Variants in FUT8 observed in about 807,000 individuals in gnomAD.
FUT8 encodes the protein fucosyltransferase 8.
Under a neutral mutation model 71.3 loss-of-function variants are expected in FUT8, and 29 were observed. The observed-to-expected ratio is 0.41, with a 90% CI of 0.30 to 0.55. The LOEUF (loss-of-function observed/expected upper bound fraction) is 0.55, where lower values mean the gene tolerates loss of function less well. Among genes scored for constraint, FUT8 ranks in the 20% least tolerant of loss-of-function variants. The pLI is 0.34. For synonymous variants in FUT8, 254 were observed against 239.3 expected, an observed-to-expected ratio of 1.06 and a Z score of -0.57; for missense variants, 544 against 702.1, an observed-to-expected ratio of 0.77 and a Z score of 2.55.
chr14:65,464,045 A>G (rs2066004583), intron 2 of FUT8, among the ~76,000 whole-genome samples: 1 of 152,126 alleles, frequency 6.6e-6, no homozygotes, highest in African/African-American at 2.4e-5. Context: ...TTGAACACAT[A>G]TTTTTTCTTA....
intron 7 of FUT8, among the ~76,000 whole-genome samples, chr14:65,677,153 C>G (rs55673074): frequency 1.5e-5 from 1 of 64,714 alleles, no homozygotes; most frequent in Non-Finnish European, 3.4e-5. Flanking sequence ...TGTGTGTGTG[C>G]GCGCGCGCAT....
chr14:65,415,414 GATTT>G (rs1210686918), intron 1 of FUT8, among the ~76,000 whole-genome samples: 1 of 152,124 alleles, frequency 6.6e-6, no homozygotes, highest in Non-Finnish European at 1.5e-5. Context: ...AATGCTTAAA[GATTT>G]ATTGGATTTC....
intron 3 of FUT8, among the ~76,000 whole-genome samples, chr14:65,602,079 C>T (rs1370728813): frequency 6.6e-5 from 10 of 151,672 alleles, no homozygotes; most frequent in African/African-American, 1.5e-4. Flanking sequence ...ACTCATCACC[C>T]GAGCAGTATA....
chr14:65,403,243 T>C, the FUT8 span, among the ~76,000 whole-genome samples: 1 of 152,238 alleles, frequency 6.6e-6, no homozygotes, highest in Non-Finnish European at 1.5e-5. Flanking sequence ...AACCCTATGA[T>C]GTAGATACTA....
chr14:65,691,906 A>G (rs972662286), intron 7 of FUT8, among the ~76,000 whole-genome samples: 1 of 152,230 alleles, frequency 6.6e-6, no homozygotes, highest in Non-Finnish European at 1.5e-5. Flanking sequence ...TTCAGAGAGC[A>G]CTGGGTTGGG....
intron 1 of FUT8, among the ~76,000 whole-genome samples, chr14:65,451,117 A>G (rs1162842693): frequency 1.3e-5 from 2 of 152,126 alleles, no homozygotes; most frequent in Admixed American, 6.6e-5. Context: ...CAGCCTCCCA[A>G]AGTGCTGGGA....
chr14:65,525,474 C>A (rs1883391983), intron 2 of FUT8, among the ~76,000 whole-genome samples: 2 of 152,046 alleles, frequency 1.3e-5, no homozygotes, highest in Admixed American at 6.6e-5. Context: ...ATTAGTCTTG[C>A]TAGTGGTCTA....
intron 2 of FUT8, among the ~76,000 whole-genome samples, chr14:65,506,684 A>G (rs2066740325): frequency 6.6e-6 from 1 of 152,226 alleles, no homozygotes; most frequent in South Asian, 2.1e-4. Flanking sequence ...TTTATGGGAT[A>G]CATGAGATGT....
chr14:65,520,095 C>T (rs182284138), intron 2 of FUT8, among the ~76,000 whole-genome samples: 4 of 152,280 alleles, frequency 2.6e-5, no homozygotes, highest in Admixed American at 2.6e-4. Context: ...TAACATTTAA[C>T]AACATTTACC....
rs181611692 is a variant in FUT8 at position 65,642,004 on chromosome 14, A to G, written c.597+12398A>G. Among the ~76,000 whole-genome samples the G allele has an allele frequency of 3.9e-3, 597 of 152,164 alleles. 3 individuals carry two copies. The highest frequency in any genetic ancestry group is 0.014 in the African/African-American group (581 of 41,544). ...CAGCTTGCCTTCTAATTTTCTTAAC[A>G]GTGTCTTTTGAAAGGCAAAAGTTTT... is the stretch of plus-strand genomic sequence containing the variant. On this transcript the variant is annotated intron_variant, in intron 6 of 10. Coordinates refer to ENST00000673929, the MANE Select transcript of FUT8 (RefSeq NM_001371533.1).
chr14:65,387,698 TCTTTCCAGGC>T, the FUT8 span, among the ~76,000 whole-genome samples: 6 of 152,332 alleles, frequency 3.9e-5, no homozygotes, highest in African/African-American at 1.4e-4. Context: ...TAGCCTGGAA[TCTTTCCAGGC>T]AGTGAGCTGG....
intron 5 of FUT8, among the ~76,000 whole-genome samples, chr14:65,629,060 GTCAC>G (rs934704649): frequency 1.3e-5 from 2 of 152,132 alleles, no homozygotes; most frequent in Non-Finnish European, 2.9e-5. Context: ...TCTTTTTCCA[GTCAC>G]TCAGAGTGTT....
At chr14:65,527,797 A>T (rs1402125023) in intron 2 of FUT8, among the ~76,000 whole-genome samples, 3 of 152,154 alleles carry the variant, frequency 2.0e-5, no homozygotes, top group Admixed American at 6.5e-5. Context: ...GGTCTGTTGG[A>T]GTTTGCTGGA....
intron 2 of FUT8, among the ~76,000 whole-genome samples, chr14:65,505,412 A>G (rs1011868409): frequency 6.9e-6 from 1 of 144,442 alleles, no homozygotes; most frequent in African/African-American, 2.6e-5. Context: ...TCCCAGGTTC[A>G]CGCCATTCTC....
intron 2 of FUT8, among the ~76,000 whole-genome samples, chr14:65,512,273 G>A (rs1449574211): frequency 1.3e-5 from 2 of 152,094 alleles, no homozygotes; most frequent in Non-Finnish European, 2.9e-5. Context: ...AGCAATTCTC[G>A]TGCCTCAGCC....
the FUT8 span, among the ~76,000 whole-genome samples, chr14:65,380,922 A>G: frequency 1.3e-5 from 2 of 152,260 alleles, no homozygotes; most frequent in South Asian, 4.1e-4. Context: ...TGCCTGTACC[A>G]CATGGCAAAG....
At chr14:65,499,192 G>GAC (rs1020439431) in intron 2 of FUT8, among the ~76,000 whole-genome samples, 38 of 151,986 alleles carry the variant, frequency 2.5e-4, no homozygotes, top group African/African-American at 8.2e-4. Flanking sequence ...TGGGACTACA[G>GAC]ACACACACAC....
At chr14:65,516,208 A>C (rs1404166240) in intron 2 of FUT8, 1 of 152,108 alleles carries the variant, frequency 6.6e-6, no homozygotes, top group Non-Finnish European at 1.5e-5. Flanking sequence ...AAAAAAAAGA[A>C]ATTTCAGTTA....
intron 7 of FUT8, among the ~76,000 whole-genome samples, chr14:65,676,185 A>T (rs1892709352): frequency 6.6e-6 from 1 of 152,162 alleles, no homozygotes; most frequent in Admixed American, 6.5e-5. Flanking sequence ...CCTTTTTAGA[A>T]AAGGTTCTGG....
Sources: allele counts gnomAD v4.1 joint callset (sites outside exome capture counted in the v4.1 genomes callset), GRCh38; gene constraint gnomAD v4.1.1; transcripts MANE v1.5; gene names NCBI Gene and HGNC (gene_info 2026-07-23, HGNC 2026-07-21).